DTNB: variants seen among roughly 807,000 people sequenced by gnomAD.
DTNB encodes the protein dystrobrevin beta.
Under a neutral mutation model 90.7 loss-of-function variants are expected in DTNB, and 63 were observed. The observed-to-expected ratio is 0.69, with a 90% CI of 0.57 to 0.86. DTNB has a LOEUF of 0.86. Ranked by LOEUF, DTNB falls within the 40% of genes least tolerant of loss-of-function variation. The pLI, the probability that DTNB is intolerant of heterozygous loss-of-function variation, is 0.00. For missense variants in DTNB, 744 were observed against 807.1 expected, an observed-to-expected ratio of 0.92 and a Z score of 0.95; for synonymous variants, 277 against 286.7, an observed-to-expected ratio of 0.97 and a Z score of 0.34.
intron 16 of DTNB, among the ~76,000 whole-genome samples, chr2:25,400,249 T>G (rs2043385635): frequency 6.6e-6 from 1 of 152,228 alleles, no homozygotes; most frequent in Non-Finnish European, 1.5e-5. Flanking sequence ...CACCTCTGAA[T>G]CTGGCTGGAG....
At chr2:25,520,736 G>GA (rs998437914) in intron 9 of DTNB, among the ~76,000 whole-genome samples, 1 of 151,882 alleles carries the variant, frequency 6.6e-6, no homozygotes, top group African/African-American at 2.4e-5. Context: ...TGAGGTATAG[G>GA]AAAAAAACAA....
chr2:25,496,842 CAA>C (rs34608606), intron 9 of DTNB, among the ~76,000 whole-genome samples: 28 of 106,126 alleles, frequency 2.6e-4, no homozygotes, highest in Admixed American at 4.0e-4. Context: ...GACTCTGTTT[CAA>C]AAAAAAAAAA....
At chr2:25,443,843 C>T (rs1276528815) in intron 12 of DTNB, among the ~76,000 whole-genome samples, 1 of 152,180 alleles carries the variant, frequency 6.6e-6, no homozygotes, top group East Asian at 1.9e-4. Flanking sequence ...TACATGATTA[C>T]AACATGTAGG....
Position 25,468,496 on chromosome 2 carries a change from G to A in DTNB, c.1080-13002C>T, listed in dbSNP as rs536333893. Among the ~76,000 whole-genome samples the A allele has an allele frequency of 4.1e-4, 63 of 152,254 alleles. 1 individual carries two copies. Among genetic ancestry groups the A allele is most frequent in the African/African-American group, 1.5e-3 (61 of 41,548 alleles). ...AAGGTAGTATGTAAGTCTACAAAAC[G>A]ACCGAGGGCCAAAGCGCAAGGACGG... On this transcript the variant is annotated intron_variant, in intron 10 of 20. Coordinates refer to ENST00000406818, the MANE Select transcript of DTNB (RefSeq NM_021907.5).
intron 5 of DTNB, among the ~76,000 whole-genome samples, chr2:25,602,015 G>A (rs2148465892): frequency 6.6e-6 from 1 of 152,172 alleles, no homozygotes; most frequent in African/African-American, 2.4e-5. Context: ...CCAGCTACTT[G>A]GGAAGCTGAG....
At chr2:25,594,424 T>C (rs1009003449) in intron 6 of DTNB, among the ~76,000 whole-genome samples, 6 of 152,376 alleles carry the variant, frequency 3.9e-5, no homozygotes, top group Middle Eastern at 3.4e-3. Context: ...TCCATTATCA[T>C]GGGTACCACC....
chr2:25,494,472 G>T (rs1182996950), intron 9 of DTNB, among the ~76,000 whole-genome samples: 2 of 150,396 alleles, frequency 1.3e-5, no homozygotes, highest in East Asian at 3.9e-4. Context: ...TAAGGGGGGT[G>T]GGGGGAGGAG....
intron 2 of DTNB, among the ~76,000 whole-genome samples, chr2:25,641,420 G>A (rs1419303341): frequency 6.6e-6 from 1 of 152,140 alleles, no homozygotes; most frequent in African/African-American, 2.4e-5. Flanking sequence ...TAGAAGGAAA[G>A]TCCTCATCCA....
rs562967186 is a variant in DTNB, at chr2:25,645,049, T to A, written c.68-5955A>T. Among the ~76,000 whole-genome samples, 331 of 152,298 alleles carry A rather than the reference T, an allele frequency of 2.2e-3. 4 individuals carry two copies. Among genetic ancestry groups the A allele is most frequent in the Non-Finnish European group, 1.9e-3 (129 of 68,028 alleles). On this transcript the variant is annotated intron_variant, in intron 2 of 20. Transcript: ENST00000406818. ...ACCTTGATTTAGACTTAAATTTATCTGAATTTAACAAAAATAAGAATAATA... is the reference window on the plus strand; with the variant it reads ...ACCTTGATTTAGACTTAAATTTATCAGAATTTAACAAAAATAAGAATAATA...
At chr2:25,523,281 T>C (rs144533842) in intron 9 of DTNB, among the ~76,000 whole-genome samples, 11 of 152,284 alleles carry the variant, frequency 7.2e-5, no homozygotes, top group Middle Eastern at 3.4e-3. Flanking sequence ...GCAGAGTAGC[T>C]AGAAGGTCCT....
At chr2:25,478,425 T>A (rs1249809088) in intron 10 of DTNB, among the ~76,000 whole-genome samples, 1 of 152,198 alleles carries the variant, frequency 6.6e-6, no homozygotes, top group Non-Finnish European at 1.5e-5. Context: ...GGAAGGCTTG[T>A]GTGTGTGCAT....
intron 7 of DTNB, among the ~76,000 whole-genome samples, chr2:25,580,346 C>T (rs1448178574): frequency 2.0e-5 from 3 of 151,660 alleles, no homozygotes; most frequent in Non-Finnish European, 4.4e-5. Context: ...CATAGTGAAA[C>T]CCCATCTCTA....
At chr2:25,457,701 G>A (rs2060261152) in intron 10 of DTNB, among the ~76,000 whole-genome samples, 1 of 152,180 alleles carries the variant, frequency 6.6e-6, no homozygotes. Flanking sequence ...CACGGACTTT[G>A]GAAAGAAAAG....
At chr2:25,484,633 T>C (rs1292098323) in intron 9 of DTNB, among the ~76,000 whole-genome samples, 6 of 152,228 alleles carry the variant, frequency 3.9e-5, no homozygotes, top group Non-Finnish European at 8.8e-5. Flanking sequence ...GGATCCGAGA[T>C]GGAAAGTAAT....
intron 9 of DTNB, among the ~76,000 whole-genome samples, chr2:25,529,085 A>G (rs2077662577): frequency 6.6e-6 from 1 of 152,208 alleles, no homozygotes; most frequent in Non-Finnish European, 1.5e-5. Flanking sequence ...AATAGACAAG[A>G]CACTCCAGAA....
intron 9 of DTNB, among the ~76,000 whole-genome samples, chr2:25,488,608 C>T (rs916141058): frequency 3.9e-5 from 6 of 152,092 alleles, no homozygotes; most frequent in Non-Finnish European, 8.8e-5. Flanking sequence ...TTAAACAGTA[C>T]CTGGTCATTT....
intron 12 of DTNB, among the ~76,000 whole-genome samples, chr2:25,438,842 T>C (rs1407453945): frequency 6.6e-6 from 1 of 152,218 alleles, no homozygotes; most frequent in Admixed American, 6.5e-5. Context: ...ATGTTGATAG[T>C]AGGTACCTCT....
intron 16 of DTNB, among the ~76,000 whole-genome samples, chr2:25,402,941 T>C (rs2044122944): frequency 6.6e-6 from 1 of 152,186 alleles, no homozygotes; most frequent in African/African-American, 2.4e-5. Flanking sequence ...AGGAAGAAGG[T>C]GTATTAAATT....
At chr2:25,434,592 T>C (rs954558737) in intron 12 of DTNB, among the ~76,000 whole-genome samples, 4 of 152,016 alleles carry the variant, frequency 2.6e-5, no homozygotes, top group Non-Finnish European at 5.9e-5. Context: ...TATTGCTGTA[T>C]AGTATTCTAT....
Sources: allele counts gnomAD v4.1 joint callset (sites outside exome capture counted in the v4.1 genomes callset), GRCh38; gene constraint gnomAD v4.1.1; transcripts MANE v1.5; gene names NCBI Gene and HGNC (gene_info 2026-07-23, HGNC 2026-07-21).